GATA4: variants seen among roughly 807,000 people sequenced by gnomAD.
GATA4 encodes the protein transcription factor GATA-4.
Under a neutral mutation model 37.9 loss-of-function variants are expected in GATA4, and 7 were observed. The ratio of observed to expected loss-of-function variants is 0.18; its 90% confidence interval spans 0.11 to 0.35. The LOEUF (loss-of-function observed/expected upper bound fraction) is 0.35. GATA4 is among the 10% of genes least tolerant of loss of function. GATA4 has a pLI of 1.00. For synonymous variants in GATA4, 372 were observed against 292.6 expected, an observed-to-expected ratio of 1.27 and a Z score of -2.77; for missense variants, 647 against 653.0, an observed-to-expected ratio of 0.99 and a Z score of 0.10.
intron 1 of GATA4, chr8:11,682,981 G>T: frequency 1.2e-6 from 1 of 818,596 alleles, no homozygotes; most frequent in African/African-American, 1.9e-5. Context: ...AAGATACTGG[G>T]TTCAGAGAAA....
At chr8:11,681,911 C>T (rs1433996777) in intron 1 of GATA4, among the ~76,000 whole-genome samples, 2 of 152,190 alleles carry the variant, frequency 1.3e-5, no homozygotes, top group African/African-American at 4.8e-5. Context: ...GCCTGGGTCT[C>T]TTCCCACCTC....
chr8:11,716,468 A>G (rs1397992288), intron 2 of GATA4, among the ~76,000 whole-genome samples: 1 of 152,214 alleles, frequency 6.6e-6, no homozygotes, highest in South Asian at 2.1e-4. Context: ...AGATTCTTCA[A>G]GGCAGATCAA....
intron 2 of GATA4, among the ~76,000 whole-genome samples, chr8:11,727,164 T>G (rs1156644099): frequency 6.6e-6 from 1 of 152,202 alleles, no homozygotes; most frequent in African/African-American, 2.4e-5. Context: ...TCTTGGAGGA[T>G]AGTGACTCAC....
At chr8:11,681,086 A>C in intron 1 of GATA4, 1 of 966,390 alleles carries the variant, frequency 1.0e-6, no homozygotes, top group Non-Finnish European at 1.2e-6. Context: ...ATTGAGGGGC[A>C]TGGGTGGCGC....
chr8:11,685,326 C>T (rs1445634516), intron 1 of GATA4, among the ~76,000 whole-genome samples: 2 of 152,176 alleles, frequency 1.3e-5, no homozygotes, highest in African/African-American at 4.8e-5. Flanking sequence ...CCTAATGTGG[C>T]TAAGGATGGA....
intron 1 of GATA4, chr8:11,681,363 C>T (rs1798964796): frequency 2.0e-6 from 2 of 985,252 alleles, no homozygotes; most frequent in African/African-American, 1.7e-5. Flanking sequence ...ACTCGTCCCC[C>T]TAGGTCTCAT....
At chr8:11,682,111 T>C (rs1379101316) in intron 1 of GATA4, among the ~76,000 whole-genome samples, 1 of 152,266 alleles carries the variant, frequency 6.6e-6, no homozygotes, top group African/African-American at 2.4e-5. Flanking sequence ...CTTAGGTTTT[T>C]ACCTCTAACT....
At chr8:11,713,416 T>C (rs1455537315) in intron 2 of GATA4, among the ~76,000 whole-genome samples, 1 of 152,080 alleles carries the variant, frequency 6.6e-6, no homozygotes, top group East Asian at 1.9e-4. Flanking sequence ...TTGGTGGTAA[T>C]TGCCCCAGGA....
At chr8:11,743,650 T>C (rs1382471647) in intron 2 of GATA4, among the ~76,000 whole-genome samples, 5 of 152,192 alleles carry the variant, frequency 3.3e-5, no homozygotes, top group Non-Finnish European at 7.4e-5. Flanking sequence ...CTCCCCTTGT[T>C]GGGGTGGGTG....
At chr8:11,715,815 T>C (rs1355748679) in intron 2 of GATA4, among the ~76,000 whole-genome samples, 1 of 152,192 alleles carries the variant, frequency 6.6e-6, no homozygotes, top group Non-Finnish European at 1.5e-5. Context: ...ACCTTTGCAT[T>C]GCTGTGTATC....
chr8:11,698,104 AG>A lies in GATA4; in HGVS notation c.-728-2402del, dbSNP rs565891925. On this transcript the variant is annotated intron_variant, in intron 1 of 2. Transcript: ENST00000526974. ...CGCTTTCTGGCGTCCGTCCTCTCCC[AG>A]GAGGTCCTGGCCTCTCTCTGCGTCG... 8.6e-5 allele frequency: 63 copies of A among 732,054 alleles called. 2 individuals carry two copies. The South Asian group carries it at 3.6e-3, about 42-fold the overall frequency. The allele number at this position is 732,054 out of a possible 1,614,324, so 45.3% of individuals were successfully genotyped here.
intron 2 of GATA4, among the ~76,000 whole-genome samples, chr8:11,716,315 T>C (rs1800430936): frequency 6.6e-6 from 1 of 152,200 alleles, no homozygotes; most frequent in African/African-American, 2.4e-5. Context: ...TCTTTTTCTT[T>C]TTTTTTTAAA....
rs938384427 is a variant in GATA4, at chr8:11,697,981, A to G, written c.-728-2527A>G. ...CGCTCCAGCCGCGGGTGTCCCTACC[A>G]TAACCACTGTCCTCCCCGGGAGCTG... On this transcript the variant is annotated intron_variant, in intron 1 of 2. Coordinates refer to the GATA4 transcript ENST00000526974. The G allele has an allele frequency of 7.1e-6, 7 of 985,322 alleles. No individual in the cohort carries two copies. In the Admixed American group the frequency reaches 1.8e-4, roughly 26 times the overall value. 61.0% of individuals were successfully genotyped at this position (985,322 alleles called of 1,614,324 possible). A position where few individuals can be genotyped will look rare whatever the true frequency, so the allele number is the denominator to read the frequency against.
intron 6 of GATA4, among the ~76,000 whole-genome samples, chr8:11,757,892 T>C (rs1802684052): frequency 6.6e-6 from 1 of 152,212 alleles, no homozygotes; most frequent in Admixed American, 6.5e-5. Context: ...GAGCTTCTTA[T>C]TGTCTGGGAG....
upstream of GATA4, among the ~76,000 whole-genome samples, chr8:11,702,357 C>A (rs575317075): frequency 3.9e-5 from 6 of 152,094 alleles, no homozygotes; most frequent in Admixed American, 6.5e-5. The surrounding 1 kb of genome is among the most constrained non-coding windows in gnomAD (Gnocchi z 4.4). Context: ...AGATTTCCTC[C>A]GAGAAAAGAA....
At chr8:11,684,492 C>T (rs972046876) in intron 1 of GATA4, among the ~76,000 whole-genome samples, 4 of 152,190 alleles carry the variant, frequency 2.6e-5, no homozygotes, top group African/African-American at 9.6e-5. Flanking sequence ...AAAGAATGTT[C>T]TGGAAACCTT....
upstream of GATA4, among the ~76,000 whole-genome samples, chr8:11,701,445 G>A (rs1799673554): frequency 6.6e-6 from 1 of 152,058 alleles, no homozygotes; most frequent in African/African-American, 2.4e-5. Flanking sequence ...AGCGGCCTCT[G>A]GAGCGAGAGA....
chr8:11,726,676 C>T (rs1800938537), intron 2 of GATA4, among the ~76,000 whole-genome samples: 1 of 152,126 alleles, frequency 6.6e-6, no homozygotes, highest in Non-Finnish European at 1.5e-5. Flanking sequence ...CCTTCTGATG[C>T]AGTTGGAGGC....
At chr8:11,679,631 C>T (rs1329410386) in intron 1 of GATA4, among the ~76,000 whole-genome samples, 3 of 152,210 alleles carry the variant, frequency 2.0e-5, no homozygotes, top group African/African-American at 7.2e-5. Flanking sequence ...TGCCCGACCC[C>T]AGGGCAGCCA....
Sources: gnomAD v4.1 joint callset for allele counts (sites outside exome capture counted in the v4.1 genomes callset) on GRCh38, gnomAD v4.1.1 for gene constraint, Gnocchi (gnomAD v3.1) non-coding constraint, MANE v1.5 for transcripts, NCBI Gene and HGNC (gene_info 2026-07-23, HGNC 2026-07-21) for gene names.